Variants in ERBB4 observed in about 807,000 individuals in gnomAD.
ERBB4 encodes the protein receptor tyrosine-protein kinase erbB-4.
A neutral mutation model predicts 158.0 loss-of-function variants in ERBB4; 42 were observed. The ratio of observed to expected loss-of-function variants is 0.27; its 90% confidence interval spans 0.21 to 0.34. The LOEUF (loss-of-function observed/expected upper bound fraction) is 0.34, where lower values mean the gene tolerates loss of function less well. ERBB4 is among the 10% of genes least tolerant of loss of function. The pLI, the probability that ERBB4 is intolerant of heterozygous loss-of-function variation, is 1.00. For missense variants in ERBB4, 1,333 were observed against 1,624.1 expected (o/e 0.82, Z 3.08); for synonymous variants, 583 against 558.7 (o/e 1.04, Z -0.61).
In ERBB4 at chr2:212,456,801, T is replaced by C. The variant is rs1040319074; in HGVS notation, c.82+81648A>G. Among the ~76,000 whole-genome samples the C allele has an allele frequency of 2.0e-5, 3 of 151,980 alleles. No individual in the cohort carries two copies. The East Asian group carries it at 5.8e-4, about 29-fold the overall frequency. On this transcript the variant is annotated intron_variant, in intron 1 of 27. Coordinates refer to ENST00000342788, the MANE Select transcript of ERBB4 (RefSeq NM_005235.3). ...ATCCATTCAGAAAATTAAAAAATAA[T>C]TATTGGTGGTGTGTTCAACAATATG...
intron 1 of ERBB4, among the ~76,000 whole-genome samples, chr2:212,259,966 G>C (rs1230317764): frequency 1.3e-5 from 2 of 151,942 alleles, no homozygotes; most frequent in East Asian, 1.9e-4. Context: ...CTACTCAAGA[G>C]GCTGAGGCAG....
intron 2 of ERBB4, among the ~76,000 whole-genome samples, chr2:211,955,755 C>T (rs1412121605): frequency 6.6e-6 from 1 of 152,134 alleles, no homozygotes; most frequent in Non-Finnish European, 1.5e-5. Flanking sequence ...ACTGTTTCTG[C>T]ATAATACTTA....
At chr2:212,182,981 C>T (rs1054186386) in intron 1 of ERBB4, among the ~76,000 whole-genome samples, 4 of 151,468 alleles carry the variant, frequency 2.6e-5, no homozygotes, top group Admixed American at 1.3e-4. Flanking sequence ...TTTGGTCACA[C>T]AACTTAGCCA....
At chr2:212,395,898 T>G (rs566349095) in intron 1 of ERBB4, among the ~76,000 whole-genome samples, 3 of 152,254 alleles carry the variant, frequency 2.0e-5, no homozygotes, top group Admixed American at 6.5e-5. Flanking sequence ...ATTACAGGTG[T>G]GAGCGACCAC....
At chr2:212,355,435 A>G (rs1229124662) in intron 1 of ERBB4, among the ~76,000 whole-genome samples, 1 of 151,954 alleles carries the variant, frequency 6.6e-6, no homozygotes, top group East Asian at 1.9e-4. Context: ...TGATCTACAA[A>G]CCTACTGAAG....
chr2:211,525,396 T>G (rs1218177496), intron 20 of ERBB4, among the ~76,000 whole-genome samples: 1 of 152,142 alleles, frequency 6.6e-6, no homozygotes, highest in East Asian at 1.9e-4. Context: ...AAGGCCTCTA[T>G]TCCAGGTCTT....
chr2:211,421,233 A>G (rs1416461409), intron 24 of ERBB4, among the ~76,000 whole-genome samples: 2 of 151,962 alleles, frequency 1.3e-5, no homozygotes, highest in Non-Finnish European at 2.9e-5. Flanking sequence ...TCAGTTCATG[A>G]AAACTAATTT....
intron 20 of ERBB4, among the ~76,000 whole-genome samples, chr2:211,510,064 C>A (rs1010712327): frequency 2.0e-5 from 3 of 152,070 alleles, no homozygotes; most frequent in African/African-American, 7.2e-5. Context: ...AATAGAACTA[C>A]CATTCAATCT....
At chr2:211,789,253 C>T (rs1356138176) in intron 3 of ERBB4, among the ~76,000 whole-genome samples, 1 of 152,112 alleles carries the variant, frequency 6.6e-6, no homozygotes, top group Non-Finnish European at 1.5e-5. Flanking sequence ...TTAATCAAAA[C>T]CCAATCAACA....
intron 2 of ERBB4, among the ~76,000 whole-genome samples, chr2:212,016,290 G>A (rs964315942): frequency 6.6e-6 from 1 of 151,772 alleles, no homozygotes; most frequent in African/African-American, 2.4e-5. Context: ...AAGCAGACCT[G>A]AATTCATAAC....
chr2:212,143,366 A>C (rs536116385), intron 1 of ERBB4, among the ~76,000 whole-genome samples: 2 of 152,276 alleles, frequency 1.3e-5, no homozygotes, highest in Non-Finnish European at 1.5e-5. Flanking sequence ...ATAATTTACA[A>C]AGCAGTTTTT....
At chr2:211,946,815 T>G (rs971268305) in intron 3 of ERBB4, among the ~76,000 whole-genome samples, 8 of 151,886 alleles carry the variant, frequency 5.3e-5, no homozygotes, top group Non-Finnish European at 1.0e-4. Context: ...CAAAATAAAT[T>G]CCTATCGAGT....
intron 1 of ERBB4, among the ~76,000 whole-genome samples, chr2:212,449,184 G>A (rs2092409237): frequency 1.3e-5 from 2 of 152,048 alleles, no homozygotes; most frequent in African/African-American, 4.8e-5. Flanking sequence ...TCACCACTAT[G>A]TATTACTTTG....
intron 5 of ERBB4, among the ~76,000 whole-genome samples, chr2:211,734,213 G>A (rs1404911106): frequency 6.6e-6 from 1 of 152,056 alleles, no homozygotes; most frequent in African/African-American, 2.4e-5. Flanking sequence ...TTTTATTGAT[G>A]AGAAAATTAA....
At chr2:212,228,669 A>T (rs1029835634) in intron 1 of ERBB4, among the ~76,000 whole-genome samples, 2 of 151,798 alleles carry the variant, frequency 1.3e-5, no homozygotes, top group Non-Finnish European at 2.9e-5. Context: ...TAAACAAAAA[A>T]TCAGTAAACC....
At chr2:211,735,845 G>A (rs2074581273) in intron 5 of ERBB4, among the ~76,000 whole-genome samples, 1 of 151,714 alleles carries the variant, frequency 6.6e-6, no homozygotes, top group African/African-American at 2.4e-5. Context: ...ACACGTTTGG[G>A]ATTATCTTCT....
At chr2:212,500,022 A>G (rs1690796759) in intron 1 of ERBB4, among the ~76,000 whole-genome samples, 1 of 152,116 alleles carries the variant, frequency 6.6e-6, no homozygotes, top group African/African-American at 2.4e-5. Context: ...CATGTTGAAC[A>G]CTGATTGCTA....
intron 1 of ERBB4, among the ~76,000 whole-genome samples, chr2:212,258,602 A>G (rs1266029648): frequency 6.7e-6 from 1 of 148,380 alleles, no homozygotes; most frequent in Non-Finnish European, 1.5e-5. Flanking sequence ...TTTCTCTTTA[A>G]AAATATATAA....
intron 2 of ERBB4, among the ~76,000 whole-genome samples, chr2:212,022,824 A>C (rs2076686172): frequency 6.6e-6 from 1 of 152,164 alleles, no homozygotes; most frequent in Non-Finnish European, 1.5e-5. Flanking sequence ...TCAGGTAAAG[A>C]GTATCCTCTT....
Sources: gnomAD v4.1 joint callset for allele counts (sites outside exome capture counted in the v4.1 genomes callset) on GRCh38, gnomAD v4.1.1 for gene constraint, MANE v1.5 for transcripts, NCBI Gene and HGNC (gene_info 2026-07-23, HGNC 2026-07-21) for gene names.